The following VPS45 variants were observed in gnomAD, a reference collection of about 807,000 sequenced individuals.
VPS45 encodes the protein vacuolar protein sorting 45 homolog, also known as vacuolar protein sorting-associated protein 45.
In VPS45, 35 loss-of-function variants were observed where a neutral mutation model predicts 75.9. The ratio of observed to expected loss-of-function variants is 0.46; its 90% CI spans 0.35 to 0.61. VPS45 has a LOEUF of 0.61. Ranked by LOEUF, VPS45 falls within the 20% of genes least tolerant of loss-of-function variation. The pLI is 0.00. For synonymous variants in VPS45, 220 were observed against 238.2 expected (o/e 0.92, Z 0.70); for missense variants, 559 against 685.9 (o/e 0.81, Z 2.07).
chr1:150,124,855 A>G (rs939043702), intron 14 of VPS45, among the ~76,000 whole-genome samples: 11 of 151,766 alleles, frequency 7.2e-5, no homozygotes, highest in African/African-American at 2.7e-4. Flanking sequence ...CACTGTGCCC[A>G]GCCCCTTCTA....
intron 14 of VPS45, among the ~76,000 whole-genome samples, chr1:150,127,017 C>T (rs782181049): frequency 2.0e-5 from 3 of 152,182 alleles, no homozygotes; most frequent in Non-Finnish European, 2.9e-5. Context: ...TGTTATGACT[C>T]ACACACTTTG....
intron 7 of VPS45, among the ~76,000 whole-genome samples, chr1:150,080,358 G>A (rs1183466339): frequency 2.0e-5 from 3 of 151,862 alleles, no homozygotes; most frequent in Admixed American, 1.3e-4. Context: ...TGGTCAGGCC[G>A]GTCTCGAACT....
At chr1:150,108,012 A>T (rs1307611113) in intron 13 of VPS45, among the ~76,000 whole-genome samples, 3 of 152,138 alleles carry the variant, frequency 2.0e-5, no homozygotes, top group African/African-American at 7.2e-5. Context: ...TATGTCCCCA[A>T]CTTCACTTCT....
intron 14 of VPS45, among the ~76,000 whole-genome samples, chr1:150,115,173 T>C (rs1403178243): frequency 6.6e-6 from 1 of 152,192 alleles, no homozygotes; most frequent in Admixed American, 6.5e-5. Context: ...GTGAGATATA[T>C]GTTAAACCTT....
intron 10 of VPS45, among the ~76,000 whole-genome samples, chr1:150,090,905 A>G (rs1553801802): frequency 6.6e-6 from 1 of 152,214 alleles, no homozygotes. Context: ...TGGAAAGTGC[A>G]ACAGTTCTTG....
At chr1:150,144,240 C>T (rs1553816059) in intron 14 of VPS45, among the ~76,000 whole-genome samples, 1 of 152,032 alleles carries the variant, frequency 6.6e-6, no homozygotes, top group Non-Finnish European at 1.5e-5. Flanking sequence ...TGAGCCACCG[C>T]GCCTGCCTGT....
At position 150,111,860 on chromosome 1, in the gene VPS45, A is replaced by G. The variant is rs75515650; in HGVS notation, c.1625+1233A>G. ...TTTTTAAGCCTGTATAGACGTTTGT[A>G]TGAGTGTGTGGGCAGAAAGGGATCT... On this transcript the variant is annotated intron_variant, in intron 14 of 14. Coordinates refer to ENST00000644510, the MANE Select transcript of VPS45 (RefSeq NM_007259.5). Among the ~76,000 whole-genome samples, 288 of 152,186 alleles carry G rather than the reference A, an allele frequency of 1.9e-3. 3 individuals carry two copies. The East Asian group carries it at 0.024, about 13-fold the overall frequency.
chr1:150,088,461 CT>C (rs1466027163), intron 10 of VPS45, among the ~76,000 whole-genome samples: 126,960 of 127,038 alleles, frequency 1, 63,441 homozygotes, highest in Middle Eastern at 1. Context: ...ATATATGCTG[CT>C]ATTTTCTTTT....
At chr1:150,134,988 A>G (rs1353858802) in intron 14 of VPS45, among the ~76,000 whole-genome samples, 4 of 152,208 alleles carry the variant, frequency 2.6e-5, no homozygotes, top group African/African-American at 9.6e-5. Context: ...AACATAAATA[A>G]AACATCCCTG....
chr1:150,122,880 T>G (rs1658310342), intron 14 of VPS45, among the ~76,000 whole-genome samples: 1 of 148,516 alleles, frequency 6.7e-6, no homozygotes, highest in Non-Finnish European at 1.5e-5. Flanking sequence ...GCACCTGTAA[T>G]CCCAGCTACT....
intron 14 of VPS45, among the ~76,000 whole-genome samples, chr1:150,120,467 G>C (rs1658176968): frequency 6.6e-6 from 1 of 152,100 alleles, no homozygotes; most frequent in Admixed American, 6.6e-5. Context: ...TAAGAACAGA[G>C]CCTTTGTATA....
At chr1:150,133,136 A>G (rs1216168601) in intron 14 of VPS45, among the ~76,000 whole-genome samples, 1 of 152,214 alleles carries the variant, frequency 6.6e-6, no homozygotes, top group Non-Finnish European at 1.5e-5. Context: ...TACTATGAAG[A>G]TAGTCCGATG....
chr1:150,072,670 AT>A (rs1553797304), intron 3 of VPS45, among the ~76,000 whole-genome samples: 1 of 1,106 alleles, frequency 9.0e-4, no homozygotes, highest in African/African-American at 5.6e-3. Context: ...AAAAAAAAAA[AT>A]ACTTTTGACC....
intron 14 of VPS45, among the ~76,000 whole-genome samples, chr1:150,116,287 A>G (rs1657927108): frequency 6.6e-6 from 1 of 152,188 alleles, no homozygotes; most frequent in South Asian, 2.1e-4. Flanking sequence ...ATTTTTGAGC[A>G]CAGAAGTGAC....
At chr1:150,137,732 C>T (rs1208495562) in intron 14 of VPS45, among the ~76,000 whole-genome samples, 1 of 152,054 alleles carries the variant, frequency 6.6e-6, no homozygotes, top group Admixed American at 6.6e-5. Context: ...CTGGGCAACA[C>T]AGTGAAACCT....
In VPS45 at chr1:150,077,595, A is replaced by T. The variant is rs781900934; in HGVS notation, c.577-74A>T. The stretch of plus-strand genomic sequence containing the variant: ...AGAACTATTGTTAAATGTAGTGTTT[A>T]TTAATTTCCTATTTATATCATTTCT... On this transcript the variant is annotated intron_variant, in intron 6 of 14. Transcript: ENST00000644510. The T allele has an allele frequency of 6.7e-6, 7 of 1,043,918 alleles. No individual in the cohort carries two copies. In the East Asian group the frequency reaches 1.0e-4, roughly 15 times the overall value. The allele number at this position is 1,043,918 out of a possible 1,614,324, so 64.7% of individuals were successfully genotyped here.
rs1656393040 is a variant in VPS45, at chr1:150,092,610, C to T, written c.1371+201C>T. On this transcript the variant is annotated intron_variant, in intron 12 of 14. Coordinates refer to ENST00000644510, the MANE Select transcript of VPS45 (RefSeq NM_007259.5). The stretch of plus-strand genomic sequence containing the variant: ...GTCTTAGAGCCGTATCAACATTGGA[C>T]CAAATAGCTTAGCAGGAAATAACTG... 9 of 361,394 alleles carry T rather than the reference C, an allele frequency of 2.5e-5. No individual in the cohort carries two copies. The South Asian group carries it at 8.3e-4, about 33-fold the overall frequency. The allele number at this position is 361,394 out of a possible 1,614,324, so 22.4% of individuals were successfully genotyped here. A position where few individuals can be genotyped will look rare whatever the true frequency, so the allele number is the denominator to read the frequency against.
At chr1:150,080,413 G>A (rs1655643017) in intron 7 of VPS45, among the ~76,000 whole-genome samples, 1 of 152,086 alleles carries the variant, frequency 6.6e-6, no homozygotes, top group South Asian at 2.1e-4. Context: ...CAAAGTGCTG[G>A]GATTACAGGC....
chr1:150,128,108 C>T (rs1658609074), intron 14 of VPS45, among the ~76,000 whole-genome samples: 1 of 151,954 alleles, frequency 6.6e-6, no homozygotes, highest in Non-Finnish European at 1.5e-5. Context: ...CAAGACCAGC[C>T]TGGGCAACAT....
Sources: gnomAD v4.1 joint callset for allele counts (sites outside exome capture counted in the v4.1 genomes callset) on GRCh38, gnomAD v4.1.1 for gene constraint, MANE v1.5 for transcripts, NCBI Gene and HGNC (gene_info 2026-07-23, HGNC 2026-07-21) for gene names.